The following ROBO2 variants were observed in gnomAD, a reference collection of about 807,000 sequenced individuals.
ROBO2 encodes the protein roundabout guidance receptor 2, also known as roundabout homolog 2.
Under a neutral mutation model 160.8 loss-of-function variants are expected in ROBO2, and 53 were observed. The observed-to-expected ratio is 0.33, with a 90% CI of 0.26 to 0.41. The LOEUF (loss-of-function observed/expected upper bound fraction) is 0.41. ROBO2 is among the 10% of genes least tolerant of loss of function. The pLI is 1.00. For missense variants in ROBO2, 1,577 were observed against 1,722.4 expected (o/e 0.92, Z 1.49); for synonymous variants, 664 against 611.7 (o/e 1.09, Z -1.26).
chr3:76,377,905 G>T (rs1310371160), intron 2 of ROBO2, among the ~76,000 whole-genome samples: 2 of 152,072 alleles, frequency 1.3e-5, no homozygotes, highest in Non-Finnish European at 2.9e-5. Context: ...TTCTAGGATT[G>T]AACTCAGTGG....
intron 2 of ROBO2, among the ~76,000 whole-genome samples, chr3:77,152,098 A>G (rs1009982710): frequency 3.3e-5 from 5 of 152,206 alleles, no homozygotes; most frequent in Admixed American, 2.0e-4. Context: ...TTCATTCAGC[A>G]GAGTACATTT....
chr3:77,267,115 T>A (rs548836517), intron 2 of ROBO2, among the ~76,000 whole-genome samples: 1 of 152,288 alleles, frequency 6.6e-6, no homozygotes, highest in South Asian at 2.1e-4. Context: ...AACATAAAAG[T>A]TCAGGGATTA....
At chr3:76,272,924 A>G (rs1213954980) in intron 2 of ROBO2, among the ~76,000 whole-genome samples, 2 of 22,710 alleles carry the variant, frequency 8.8e-5, no homozygotes, top group Admixed American at 6.0e-4. Flanking sequence ...TAAAATATAT[A>G]TATTTATATA....
intron 2 of ROBO2, among the ~76,000 whole-genome samples, chr3:76,978,462 G>A (rs991547821): frequency 6.6e-6 from 1 of 152,086 alleles, no homozygotes. Flanking sequence ...GAATATATTT[G>A]AGTGTCTTTT....
At chr3:77,241,140 A>G (rs2088976000) in intron 2 of ROBO2, among the ~76,000 whole-genome samples, 1 of 152,196 alleles carries the variant, frequency 6.6e-6, no homozygotes, top group African/African-American at 2.4e-5. Context: ...ACTTTTTCAT[A>G]TTTGATCATT....
intron 2 of ROBO2, among the ~76,000 whole-genome samples, chr3:76,088,924 C>G (rs139034426): frequency 6.6e-6 from 1 of 151,904 alleles, no homozygotes; most frequent in East Asian, 1.9e-4. Flanking sequence ...AAACAAAAAA[C>G]TGGTTATTTG....
rs1303433230 is a variant in ROBO2, at chr3:76,304,825, T to TAA, written c.109+367224_109+367225dup. On this transcript the variant is annotated intron_variant, in intron 2 of 26. Transcript: ENST00000487694. ...CTTTCTTTTTTTTTGTCTGTGTGTG[T>TAA]AATGAAGAAACAGTGAGAATTTTCT... Among the ~76,000 whole-genome samples the TAA allele has an allele frequency of 4.0e-5, 6 of 150,660 alleles. No homozygotes were observed. The Admixed American group carries it at 4.0e-4, about 10-fold the overall frequency.
intron 2 of ROBO2, among the ~76,000 whole-genome samples, chr3:77,220,869 T>C (rs1427424410): frequency 6.6e-6 from 1 of 152,164 alleles, no homozygotes; most frequent in Non-Finnish European, 1.5e-5. Context: ...TAAGTATTGC[T>C]ATGTTGTATA....
chr3:76,718,439 CT>C (rs2093415921), intron 2 of ROBO2, among the ~76,000 whole-genome samples: 1 of 152,234 alleles, frequency 6.6e-6, no homozygotes, highest in Non-Finnish European at 1.5e-5. Context: ...TCCATTGCCA[CT>C]GTTATTTTGA....
intron 6 of ROBO2, among the ~76,000 whole-genome samples, chr3:77,540,963 C>T (rs1016203467): frequency 3.3e-5 from 5 of 152,006 alleles, no homozygotes; most frequent in Non-Finnish European, 5.9e-5. Context: ...TTAACTCAAG[C>T]ATATGAAGGA....
chr3:76,477,596 T>G (rs890183477), intron 2 of ROBO2, among the ~76,000 whole-genome samples: 1 of 152,124 alleles, frequency 6.6e-6, no homozygotes, highest in African/African-American at 2.4e-5. Context: ...CAAAACTATC[T>G]TAATAACATG....
chr3:76,468,118 A>C (rs2078457244), intron 2 of ROBO2, among the ~76,000 whole-genome samples: 1 of 152,122 alleles, frequency 6.6e-6, no homozygotes, highest in Admixed American at 6.6e-5. Flanking sequence ...TTTAATTCTC[A>C]CTTATTCCTA....
At chr3:76,623,302 T>A (rs1578635943) in intron 2 of ROBO2, among the ~76,000 whole-genome samples, 1 of 152,262 alleles carries the variant, frequency 6.6e-6, no homozygotes, top group East Asian at 1.9e-4. Context: ...TGTGCTCGGG[T>A]TTATTTTTGT....
chr3:76,282,364 A>G, intron 2 of ROBO2, among the ~76,000 whole-genome samples: 1 of 152,056 alleles, frequency 6.6e-6, no homozygotes, highest in East Asian at 1.9e-4. Context: ...TGTTAGTCTC[A>G]AAGTACATAG....
At chr3:77,200,843 G>A (rs1016588462) in intron 2 of ROBO2, among the ~76,000 whole-genome samples, 5 of 152,124 alleles carry the variant, frequency 3.3e-5, no homozygotes, top group East Asian at 3.9e-4. Context: ...ATACCAACTG[G>A]CAAGCGAGGG....
intron 9 of ROBO2, among the ~76,000 whole-genome samples, chr3:77,559,966 G>A (rs1039196952): frequency 6.6e-6 from 1 of 152,046 alleles, no homozygotes; most frequent in Non-Finnish European, 1.5e-5. Flanking sequence ...CAAAATGGAA[G>A]TTATTAAAAA....
chr3:76,785,966 C>T (rs1313440407), intron 2 of ROBO2, among the ~76,000 whole-genome samples: 1 of 151,300 alleles, frequency 6.6e-6, no homozygotes, highest in Non-Finnish European at 1.5e-5. Context: ...ATGGGAAAGA[C>T]ATCCAACTGA....
chr3:77,201,710 C>A (rs2151022301), intron 2 of ROBO2, among the ~76,000 whole-genome samples: 1 of 152,190 alleles, frequency 6.6e-6, no homozygotes, highest in Admixed American at 6.5e-5. Context: ...TGAACTTGTG[C>A]ATATTCATTG....
chr3:76,647,036 A>G (rs1325744458), intron 2 of ROBO2, among the ~76,000 whole-genome samples: 1 of 152,098 alleles, frequency 6.6e-6, no homozygotes, highest in Non-Finnish European at 1.5e-5. Context: ...CTTGCCTAGG[A>G]CTAGAGACTC....
Sources: allele counts gnomAD v4.1 joint callset (sites outside exome capture counted in the v4.1 genomes callset), GRCh38; gene constraint gnomAD v4.1.1; transcripts MANE v1.5; gene names NCBI Gene and HGNC (gene_info 2026-07-23, HGNC 2026-07-21).